COL24A1: variants seen among roughly 807,000 people sequenced by gnomAD.
COL24A1 encodes the protein collagen alpha-1(XXIV) chain.
A neutral mutation model predicts 253.9 loss-of-function variants in COL24A1; 224 were observed. The observed-to-expected ratio is 0.88, with a 90% confidence interval of 0.79 to 0.99. COL24A1 has a LOEUF of 0.99. Among genes scored for constraint, COL24A1 ranks in the 50% least tolerant of loss-of-function variants. The pLI, the probability that COL24A1 is intolerant of heterozygous loss-of-function variation, is 0.00. For synonymous variants in COL24A1, 685 were observed against 673.7 expected (o/e 1.02, Z -0.26); for missense variants, 2,131 against 2,068.5 (o/e 1.03, Z -0.59).
chr1:86,112,724 A>C (rs1365880832), intron 4 of COL24A1, 104 bp from the exon 5 acceptor site: 10 of 1,052,510 alleles, frequency 9.5e-6, no homozygotes, highest in Admixed American at 2.0e-5. Flanking sequence ...TAAGCACTTG[A>C]GTTTTTGCTT....
At chr1:86,070,781 A>G (rs970885932) in intron 7 of COL24A1, among the ~76,000 whole-genome samples, 6 of 152,200 alleles carry the variant, frequency 3.9e-5, no homozygotes, top group Non-Finnish European at 8.8e-5. Context: ...TCCTAGACAA[A>G]CAAAAGTTAA....
intron 7 of COL24A1, among the ~76,000 whole-genome samples, chr1:86,071,132 A>G (rs1701844646): frequency 6.6e-6 from 1 of 152,174 alleles, no homozygotes; most frequent in Admixed American, 6.6e-5. Flanking sequence ...TTTTCTTTTT[A>G]CATGTTTTTT....
Position 86,124,856 on chromosome 1 carries a change from T to A in COL24A1, c.1480A>T (p.Thr494Ser). ...AAAAAAAAACTTACGGGAGGTCCAG[T>A]GTCTCCTTTTGGCCCTCTCAGATAC... ...MEYLRGPKGD[T>S]GPPGPPGPAG... The change falls in exon 3 of 60, where the codon ACT (threonine) becomes TCT (serine). Residue 494 changes from threonine (T) to serine (S), a missense_variant. Physicochemically the swap from Thr to Ser is moderately conservative, Grantham distance 58. Transcript: ENST00000370571. 2 of 1,548,736 alleles carry A rather than the reference T, an allele frequency of 1.3e-6. No homozygotes were observed. The highest frequency in any genetic ancestry group is 1.7e-6 in the Non-Finnish European group (2 of 1,156,898).
chr1:86,013,476 C>T (rs898133844), intron 19 of COL24A1, among the ~76,000 whole-genome samples: 7 of 152,162 alleles, frequency 4.6e-5, no homozygotes. Context: ...TCTGAAATCC[C>T]CTTACAACAA....
chr1:85,938,232 CT>C (rs1396757853), intron 24 of COL24A1, among the ~76,000 whole-genome samples: 1 of 147,156 alleles, frequency 6.8e-6, no homozygotes, highest in Non-Finnish European at 1.5e-5. Context: ...ATTAGTTCCA[CT>C]TACTATCACT....
chr1:85,806,962 C>G (rs1041775638), intron 47 of COL24A1, among the ~76,000 whole-genome samples: 1 of 152,198 alleles, frequency 6.6e-6, no homozygotes, highest in African/African-American at 2.4e-5. Flanking sequence ...TCATCTTCAA[C>G]TAGCCAGATT....
At chr1:85,734,327 C>T (rs1020638355) in intron 59 of COL24A1, among the ~76,000 whole-genome samples, 3 of 152,166 alleles carry the variant, frequency 2.0e-5, no homozygotes, top group Non-Finnish European at 2.9e-5. Flanking sequence ...TGAAATAAAA[C>T]TCACTTGCCT....
chr1:85,874,144 C>T (rs1198827855), intron 35 of COL24A1, among the ~76,000 whole-genome samples: 1 of 152,084 alleles, frequency 6.6e-6, no homozygotes, highest in Non-Finnish European at 1.5e-5. Context: ...AACTCCTTAC[C>T]ACAGCTCAAA....
intron 58 of COL24A1, chr1:85,736,051 G>A (rs1664014941): frequency 4.0e-6 from 1 of 248,764 alleles, no homozygotes; most frequent in Non-Finnish European, 8.1e-6. Context: ...CAATATTTAA[G>A]CTTTCTGAGC....
Position 85,970,235 on chromosome 1 carries a change from C to T in COL24A1, c.2455G>A (p.Gly819Arg). ...ATTTATATGATACCTACTCTTGGCC[C>T]CAGTTCCCCAAAGGCTCCAATTGGT... ...EGPIGAFGEL[G>R]PRGKPGQKGY... is the part of the protein sequence containing the mutation. The change falls in exon 22 of 60, where the codon GGG becomes AGG. Residue 819 changes from glycine (G) to arginine (R), a missense_variant. By Grantham distance (125) the Gly-to-Arg change is moderately radical. Transcript: ENST00000370571. The T allele has an allele frequency of 1.3e-6, 2 of 1,592,966 alleles. No homozygotes were observed. Among genetic ancestry groups the T allele is most frequent in the Non-Finnish European group, 1.7e-6 (2 of 1,170,696 alleles).
At chr1:85,827,580 A>C (rs1486780039) in intron 43 of COL24A1, among the ~76,000 whole-genome samples, 1 of 151,920 alleles carries the variant, frequency 6.6e-6, no homozygotes, top group Non-Finnish European at 1.5e-5. Flanking sequence ...TTGGTAAGCT[A>C]TTGATTATTG....
chr1:85,864,580 A>C (rs1408781595), intron 37 of COL24A1, among the ~76,000 whole-genome samples: 2 of 152,202 alleles, frequency 1.3e-5, no homozygotes, highest in Non-Finnish European at 2.9e-5. Context: ...CTATTAAAAA[A>C]AGAAACAAGA....
At chr1:86,047,996 A>G (rs1004858624) in intron 11 of COL24A1, among the ~76,000 whole-genome samples, 2 of 152,322 alleles carry the variant, frequency 1.3e-5, no homozygotes, top group South Asian at 2.1e-4. Context: ...GTATCTGATC[A>G]TCAAAAAAGA....
At chr1:85,916,367 T>C (rs911532462) in intron 24 of COL24A1, among the ~76,000 whole-genome samples, 2 of 152,174 alleles carry the variant, frequency 1.3e-5, no homozygotes, top group East Asian at 3.8e-4. Context: ...AATTGGAAGA[T>C]AGAGGTTCTC....
At position 86,110,184 on chromosome 1, in the gene COL24A1, T is replaced by A. The variant is rs948682615; in HGVS notation, c.1599+2383A>T. Among the ~76,000 whole-genome samples the A allele has an allele frequency of 2.0e-5, 3 of 151,608 alleles. No individual in the cohort carries two copies. The East Asian group carries it at 5.8e-4, about 29-fold the overall frequency. On this transcript the variant is annotated intron_variant, in intron 5 of 59. Transcript: ENST00000370571. ...GGGAATGGGAATATTTTATTTTATA[T>A]ATATTTAATAAAAATATATACACAA...
intron 5 of COL24A1, among the ~76,000 whole-genome samples, chr1:86,095,052 C>G (rs1411060256): frequency 6.6e-6 from 1 of 151,768 alleles, no homozygotes; most frequent in African/African-American, 2.4e-5. Context: ...CTATAATTTA[C>G]AAAGATTTTT....
At chr1:86,154,182 T>G (rs1653170554) in intron 1 of COL24A1, 1 of 151,790 alleles carries the variant, frequency 6.6e-6, no homozygotes, top group Non-Finnish European at 1.5e-5. Flanking sequence ...TTGGTGGCAT[T>G]ATTTTTCAAA....
intron 55 of COL24A1, among the ~76,000 whole-genome samples, chr1:85,747,349 G>A (rs1470779929): frequency 6.6e-6 from 1 of 151,668 alleles, no homozygotes; most frequent in Admixed American, 6.6e-5. Flanking sequence ...CCTGACCTCA[G>A]GTGATCTGCC....
Position 86,143,121 on chromosome 1 carries a change from C to T in COL24A1, c.121+2998G>A, listed in dbSNP as rs142453944. ...CAGAAATGGAATGTTGTAAAAAATG[C>T]ACCACCCAAGTGCATATTCTCAGGA... On this transcript the variant is annotated intron_variant, in intron 2 of 59. Transcript: ENST00000370571. 2.4e-4 allele frequency among the ~76,000 whole-genome samples: 37 copies of T among 152,200 alleles called. No individual in the cohort carries two copies. The East Asian group carries it at 6.6e-3, about 27-fold the overall frequency.
Sources: gnomAD v4.1 joint callset for allele counts (sites outside exome capture counted in the v4.1 genomes callset) on GRCh38, gnomAD v4.1.1 for gene constraint, MANE v1.5 for transcripts, NCBI Gene and HGNC (gene_info 2026-07-23, HGNC 2026-07-21) for gene names.